Variants in TTC29 observed in about 807,000 individuals in gnomAD.
TTC29 encodes tetratricopeptide repeat protein 29.
TTC29 carries 49 observed loss-of-function variants against 58.1 expected under a neutral mutation model. That is an observed-to-expected ratio of 0.84 (90% CI 0.67 to 1.07). TTC29 has a LOEUF of 1.07. Ranked by LOEUF, TTC29 falls within the 50% of genes least tolerant of loss-of-function variation. TTC29 has a pLI of 0.00. For synonymous variants in TTC29, 209 were observed against 196.8 expected (o/e 1.06, Z -0.52); for missense variants, 582 against 555.6 (o/e 1.05, Z -0.48).
At chr4:146,867,887 T>C (rs919989820) in intron 7 of TTC29, among the ~76,000 whole-genome samples, 4 of 152,090 alleles carry the variant, frequency 2.6e-5, no homozygotes. Flanking sequence ...TTTCCCTTTA[T>C]AAACACAGCC....
intron 4 of TTC29, among the ~76,000 whole-genome samples, chr4:146,924,232 G>A (rs17022140): frequency 0.075 from 11,403 of 151,818 alleles, 1,457 homozygotes; most frequent in African/African-American, 0.26. Flanking sequence ...ACATTGTCAT[G>A]AAGATCTTTC....
chr4:146,929,830 A>G (rs997291125), intron 4 of TTC29, among the ~76,000 whole-genome samples: 4 of 152,028 alleles, frequency 2.6e-5, no homozygotes, highest in Non-Finnish European at 5.9e-5. Flanking sequence ...GCAATACAGC[A>G]AAGTGCAATA....
rs147168870 is a variant in TTC29, at chr4:146,710,241, G to A, written c.1331-2690C>T. On this transcript the variant is annotated intron_variant, in intron 11 of 12. Transcript: ENST00000325106. ...TAGCTAGGCTATTATATACTATAGC[G>A]TATTACTTCTGGGCTATGAACCTGT... is the stretch of plus-strand genomic sequence containing the variant. 9.1e-3 allele frequency among the ~76,000 whole-genome samples: 1,384 copies of A among 152,160 alleles called. 13 individuals carry two copies. The highest frequency in any genetic ancestry group is 0.015 in the Non-Finnish European group (989 of 67,988).
In TTC29 at chr4:146,820,170, A is replaced by T; in HGVS notation, c.1056T>A (p.Asp352Glu). The T allele has an allele frequency of 6.2e-7, 1 of 1,613,346 alleles. No individual in the cohort carries two copies. The highest frequency in any genetic ancestry group is 1.1e-5 in the South Asian group (1 of 91,074). The change falls in exon 10 of 13, where the codon GAT (aspartate) becomes GAA (glutamate). Residue 352 changes from aspartate (D) to glutamate (E), a missense_variant. Asp to Glu is a conservative substitution (Grantham distance 45, BLOSUM62 2). Coordinates refer to ENST00000325106, the MANE Select transcript of TTC29 (RefSeq NM_031956.4). ...KIARNNFQSL[D>E]LVRASTMLGD... The stretch of plus-strand genomic sequence containing the variant: ...CAAGCATTGTACTTGCTCTCACCAA[A>T]TCTAGGCTTTGAAAATTGTTTCTTG...
intron 9 of TTC29, among the ~76,000 whole-genome samples, chr4:146,827,343 A>T (rs1727878455): frequency 6.6e-6 from 1 of 152,188 alleles, no homozygotes. Context: ...AGCTTCTTGT[A>T]GGCCATCTTG....
intron 11 of TTC29, among the ~76,000 whole-genome samples, chr4:146,723,359 C>T (rs1397382389): frequency 6.6e-6 from 1 of 152,038 alleles, no homozygotes; most frequent in Non-Finnish European, 1.5e-5. Context: ...GTCCTCAAAA[C>T]AATTGCAGCA....
chr4:146,754,745 T>C (rs1163450408), intron 11 of TTC29, among the ~76,000 whole-genome samples: 2 of 152,094 alleles, frequency 1.3e-5, no homozygotes, highest in East Asian at 3.8e-4. Context: ...AACTGTCAAC[T>C]GTTTGTGTAT....
At chr4:146,886,299 A>G (rs984067183) in intron 6 of TTC29, among the ~76,000 whole-genome samples, 2 of 152,102 alleles carry the variant, frequency 1.3e-5, no homozygotes, top group Non-Finnish European at 2.9e-5. Flanking sequence ...CCCAATTCAT[A>G]TGACAAAAAA....
At chr4:146,826,498 C>T (rs1257187137) in intron 9 of TTC29, among the ~76,000 whole-genome samples, 2 of 152,138 alleles carry the variant, frequency 1.3e-5, no homozygotes, top group African/African-American at 4.8e-5. Context: ...TGATGGGCTT[C>T]CCTTTGTAGG....
rs549142103 is a variant in TTC29, at chr4:146,848,910, G to A, written c.886-15013C>T. Among the ~76,000 whole-genome samples the A allele has an allele frequency of 2.6e-5, 4 of 152,332 alleles. No homozygotes were observed. The East Asian group carries it at 7.7e-4, about 29-fold the overall frequency. Reference sequence around the variant, plus strand: ...GTTTTTAACCTTTGTTAAAGTGACTGGACTTTTGTCCTGTCCCTTGAGACC... The same window carrying A: ...GTTTTTAACCTTTGTTAAAGTGACTAGACTTTTGTCCTGTCCCTTGAGACC... On this transcript the variant is annotated intron_variant, in intron 8 of 12. Coordinates refer to ENST00000325106, the MANE Select transcript of TTC29 (RefSeq NM_031956.4).
Position 146,707,104 on chromosome 4 carries a change from T to G in TTC29, c.*54A>C. On this transcript the variant is annotated 3_prime_UTR_variant, in exon 13 of 13. Transcript: ENST00000325106. ...CATGCTCCTATTACAAGTATTGAAG[T>G]CTAAGGTGACATGATGGATTTCTTC... 7.2e-7 allele frequency: 1 copy of G among 1,387,694 alleles called. No individual in the cohort carries two copies. The highest frequency in any genetic ancestry group is 9.8e-7 in the Non-Finnish European group (1 of 1,022,092). The allele number at this position is 1,387,694 out of a possible 1,614,324, so 86.0% of individuals were successfully genotyped here. A position where few individuals can be genotyped will look rare whatever the true frequency, so the allele number is the denominator to read the frequency against.
intron 11 of TTC29, among the ~76,000 whole-genome samples, chr4:146,743,872 G>A (rs1271399441): frequency 6.6e-6 from 1 of 152,172 alleles, no homozygotes; most frequent in Non-Finnish European, 1.5e-5. Flanking sequence ...TTACAAATTG[G>A]AGCTAGTGGG....
intron 10 of TTC29, among the ~76,000 whole-genome samples, chr4:146,811,557 T>C (rs992604334): frequency 2.6e-5 from 4 of 152,166 alleles, no homozygotes; most frequent in African/African-American, 9.7e-5. Flanking sequence ...AAAACATGCA[T>C]GTGCACTCTT....
At chr4:146,775,813 G>A (rs1748050376) in intron 11 of TTC29, among the ~76,000 whole-genome samples, 1 of 152,018 alleles carries the variant, frequency 6.6e-6, no homozygotes, top group East Asian at 1.9e-4. Flanking sequence ...GGCGAGGTTG[G>A]GAAATTTTCA....
intron 11 of TTC29, among the ~76,000 whole-genome samples, chr4:146,765,104 A>G (rs1047215431): frequency 1.3e-5 from 2 of 152,126 alleles, no homozygotes; most frequent in African/African-American, 2.4e-5. Context: ...TAAAAATGCA[A>G]TTAAAAGTTT....
chr4:146,780,137 C>A (rs925201030), intron 11 of TTC29, among the ~76,000 whole-genome samples: 6 of 152,032 alleles, frequency 3.9e-5, no homozygotes, highest in Non-Finnish European at 4.4e-5. Flanking sequence ...TTGCTTCCCC[C>A]AAATTAAGCT....
At chr4:146,762,139 T>G (rs1334972776) in intron 11 of TTC29, among the ~76,000 whole-genome samples, 1 of 151,908 alleles carries the variant, frequency 6.6e-6, no homozygotes. Context: ...GGGCTTTGAC[T>G]GCTTGAAAAA....
At chr4:146,936,850 T>C (rs78862944) in intron 4 of TTC29, among the ~76,000 whole-genome samples, 5,465 of 152,156 alleles carry the variant, frequency 0.036, 337 homozygotes, top group African/African-American at 0.12. Flanking sequence ...TTGCATAAAA[T>C]ATTTTAATTG....
intron 8 of TTC29, among the ~76,000 whole-genome samples, chr4:146,836,408 G>A (rs1459573687): frequency 6.6e-6 from 1 of 152,060 alleles, no homozygotes; most frequent in Non-Finnish European, 1.5e-5. Context: ...GTCTTGCAAA[G>A]GAGCTGCTCT....
Sources: allele counts gnomAD v4.1 joint callset (sites outside exome capture counted in the v4.1 genomes callset), GRCh38; gene constraint gnomAD v4.1.1; transcripts MANE v1.5; gene names NCBI Gene and HGNC (gene_info 2026-07-23, HGNC 2026-07-21).